RASGRF2: variants seen among roughly 807,000 people sequenced by gnomAD.
RASGRF2 encodes ras-specific guanine nucleotide-releasing factor 2.
In RASGRF2, 76 loss-of-function variants were observed where a neutral mutation model predicts 151.0. That is an observed-to-expected ratio of 0.50 (90% CI 0.42 to 0.61). The LOEUF is 0.61. RASGRF2 is among the 20% of genes least tolerant of loss of function. RASGRF2 has a pLI of 0.00. For missense variants in RASGRF2, 1,148 were observed against 1,564.6 expected (o/e 0.73, Z 4.49); for synonymous variants, 504 against 566.5 (o/e 0.89, Z 1.57).
At chr5:81,127,923 C>CAAAAAAAAAAAAAAAA (rs60196392) in intron 17 of RASGRF2, among the ~76,000 whole-genome samples, 25 of 64,864 alleles carry the variant, frequency 3.9e-4, no homozygotes, top group South Asian at 5.6e-4. Context: ...GACTCCGTCT[C>CAAAAAAAAAAAAAAAA]AAAAAAAAAA....
chr5:81,028,369 A>T (rs1275073481), intron 1 of RASGRF2, among the ~76,000 whole-genome samples: 2 of 72,824 alleles, frequency 2.7e-5, no homozygotes, highest in Non-Finnish European at 5.9e-5. Flanking sequence ...ACTGAGAAAA[A>T]TTTATTTCCT....
intron 17 of RASGRF2, among the ~76,000 whole-genome samples, chr5:81,128,293 C>A (rs1330713670): frequency 6.6e-6 from 1 of 151,928 alleles, no homozygotes; most frequent in Admixed American, 6.6e-5. Context: ...GCTCTCCCCA[C>A]AAAAAAATGG....
intron 7 of RASGRF2, among the ~76,000 whole-genome samples, chr5:81,084,729 G>A (rs1267027553): frequency 6.6e-6 from 1 of 152,186 alleles, no homozygotes; most frequent in Non-Finnish European, 1.5e-5. Context: ...AGGACAGAAT[G>A]GAAGAAACTG....
intron 17 of RASGRF2, among the ~76,000 whole-genome samples, chr5:81,154,725 T>G (rs1036514587): frequency 9.2e-5 from 14 of 152,218 alleles, no homozygotes; most frequent in African/African-American, 3.4e-4. Context: ...AATTGTTAAA[T>G]AACTCATGGG....
chr5:81,130,921 G>T (rs1259056182), intron 17 of RASGRF2, among the ~76,000 whole-genome samples: 1 of 152,156 alleles, frequency 6.6e-6, no homozygotes, highest in African/African-American at 2.4e-5. Context: ...CAAGCCAGAG[G>T]TCTGCGGAGT....
intron 17 of RASGRF2, among the ~76,000 whole-genome samples, chr5:81,149,910 G>A (rs1350710766): frequency 1.3e-5 from 2 of 152,176 alleles, no homozygotes; most frequent in Non-Finnish European, 2.9e-5. Flanking sequence ...GGATCTATGA[G>A]AAACTCTTCA....
In RASGRF2 at chr5:81,228,088, G is replaced by T. The variant is rs1756036521; in HGVS notation, c.*2318G>T. 1.3e-5 allele frequency: 2 copies of T among 152,220 alleles called. No homozygotes were observed. Among genetic ancestry groups the T allele is most frequent in the Non-Finnish European group, 1.5e-5 (1 of 68,100 alleles). 9.4% of individuals were successfully genotyped at this position (152,220 alleles called of 1,614,324 possible). ...CAATTGCTATGCTGACTTTTAGGGG[G>T]TTTTTGTTTGTTTGAAAAACAGGGT... On this transcript the variant is annotated 3_prime_UTR_variant, in exon 27 of 27. Coordinates refer to ENST00000265080, the MANE Select transcript of RASGRF2 (RefSeq NM_006909.3).
At chr5:81,131,019 A>G (rs548091298) in intron 17 of RASGRF2, among the ~76,000 whole-genome samples, 8 of 152,122 alleles carry the variant, frequency 5.3e-5, no homozygotes, top group Non-Finnish European at 1.2e-4. Flanking sequence ...CCATCAAAAT[A>G]TATAGGAATC....
At chr5:81,165,119 G>A (rs1754476455) in intron 17 of RASGRF2, among the ~76,000 whole-genome samples, 1 of 152,152 alleles carries the variant, frequency 6.6e-6, no homozygotes, top group Non-Finnish European at 1.5e-5. Context: ...TCACAACTGT[G>A]TACAGGCCTC....
At chr5:81,006,607 T>G (rs571773543) in intron 1 of RASGRF2, among the ~76,000 whole-genome samples, 95 of 152,258 alleles carry the variant, frequency 6.2e-4, no homozygotes, top group Non-Finnish European at 1.2e-3. Flanking sequence ...GCTTATTCCC[T>G]TTGCTGGGGT....
chr5:81,219,105 T>TG (rs1329105567), intron 25 of RASGRF2, among the ~76,000 whole-genome samples: 3 of 151,022 alleles, frequency 2.0e-5, no homozygotes, highest in Admixed American at 2.0e-4. Flanking sequence ...AAGACACAGT[T>TG]CTGTTGCCCA....
chr5:80,974,497 G>A (rs1029498328), intron 1 of RASGRF2, among the ~76,000 whole-genome samples: 13 of 152,180 alleles, frequency 8.5e-5, no homozygotes, highest in African/African-American at 3.1e-4. Context: ...CTGTGCCAGG[G>A]CCTCATTGAG....
rs143366742 is a variant in RASGRF2 at position 81,022,571 on chromosome 5, T to C, written c.289-20306T>C. 7.7e-4 allele frequency among the ~76,000 whole-genome samples: 118 copies of C among 152,284 alleles called. 2 individuals carry two copies. The highest frequency in any genetic ancestry group is 2.8e-3 in the African/African-American group (115 of 41,542). On this transcript the variant is annotated intron_variant, in intron 1 of 26. Transcript: ENST00000265080. ...GTCATCAGTGCCTTAAGCTCCTCAT[T>C]CTTCTCTAGGAATTTATCCAAGTGG...
chr5:81,158,581 A>G (rs1754313673), intron 17 of RASGRF2, among the ~76,000 whole-genome samples: 1 of 152,172 alleles, frequency 6.6e-6, no homozygotes. Flanking sequence ...TTCTATACGA[A>G]ATATATAAAG....
intron 1 of RASGRF2, among the ~76,000 whole-genome samples, chr5:81,016,820 G>A (rs184726356): frequency 1.3e-3 from 197 of 152,022 alleles, no homozygotes; most frequent in Non-Finnish European, 2.2e-3. Context: ...GTCTTCTATT[G>A]GGATAAATGA....
chr5:81,143,110 G>A (rs1450396135), intron 17 of RASGRF2, among the ~76,000 whole-genome samples: 1 of 152,012 alleles, frequency 6.6e-6, no homozygotes, highest in African/African-American at 2.4e-5. Flanking sequence ...TCTGAACATA[G>A]GACTTCTGAT....
At chr5:81,224,351 G>A (rs191841809) in intron 26 of RASGRF2, among the ~76,000 whole-genome samples, 34 of 152,230 alleles carry the variant, frequency 2.2e-4, no homozygotes, top group South Asian at 6.2e-4. Flanking sequence ...CTGTAGGTGC[G>A]GAAGCTTTGC....
rs1756002289 is a variant in RASGRF2, at chr5:81,226,463, A to T, written c.*693A>T. 1 of 152,278 alleles carries T rather than the reference A, an allele frequency of 6.6e-6. No individual in the cohort carries two copies. Among genetic ancestry groups the T allele is most frequent in the Non-Finnish European group, 1.5e-5 (1 of 68,070 alleles). The allele number at this position is 152,278 out of a possible 1,614,324, so 9.4% of individuals were successfully genotyped here. A position where few individuals can be genotyped will look rare whatever the true frequency, so the allele number is the denominator to read the frequency against. On this transcript the variant is annotated 3_prime_UTR_variant, in exon 27 of 27. Transcript: ENST00000265080. The stretch of plus-strand genomic sequence containing the variant: ...AGTAGGCTGTGCCCCAGAGGATTCC[A>T]GACAGTGGCTGGCTGAGGTGGGTGG...
At chr5:81,167,353 C>T (rs1216538916) in intron 17 of RASGRF2, among the ~76,000 whole-genome samples, 9 of 152,152 alleles carry the variant, frequency 5.9e-5, no homozygotes, top group African/African-American at 1.4e-4. Flanking sequence ...ATAGCAGCCT[C>T]GGATGAGGGG....
Sources: allele counts gnomAD v4.1 joint callset (sites outside exome capture counted in the v4.1 genomes callset), GRCh38; gene constraint gnomAD v4.1.1; transcripts MANE v1.5; gene names NCBI Gene and HGNC (gene_info 2026-07-23, HGNC 2026-07-21).